Variants in NKAIN3 observed in about 807,000 individuals in gnomAD.
NKAIN3 encodes sodium/potassium transporting ATPase interacting 3, also known as sodium/potassium-transporting ATPase subunit beta-1-interacting protein 3.
In NKAIN3, 25 loss-of-function variants were observed where a neutral mutation model predicts 30.2. The ratio of observed to expected loss-of-function variants is 0.83; its 90% CI spans 0.60 to 1.16. NKAIN3 has a LOEUF of 1.16. Among genes scored for constraint, NKAIN3 ranks in the 50% most tolerant of loss-of-function variants. The probability of loss-of-function intolerance (pLI) is 0.00; values close to 1 mark genes in which losing one functional copy is unlikely to be tolerated. For missense variants in NKAIN3, 225 were observed against 254.1 expected, an observed-to-expected ratio of 0.89 and a Z score of 0.78; for synonymous variants, 91 against 89.6, an observed-to-expected ratio of 1.02 and a Z score of -0.09.
In NKAIN3 at chr8:62,968,274, G is replaced by A. The variant is rs12056842; in HGVS notation, c.*2867G>A. ...GTACAGTAATACTTGGCAATTACCC[G>A]TTAATCTGGGTAATTCCAATGAAGT... On this transcript the variant is annotated 3_prime_UTR_variant, in exon 7 of 7. Coordinates refer to ENST00000623646, the MANE Select transcript of NKAIN3 (RefSeq NM_001304533.3). Among the ~76,000 whole-genome samples, 21,252 of 152,118 alleles carry A rather than the reference G, an allele frequency of 0.14. 1,617 individuals carry two copies. Among genetic ancestry groups the A allele is most frequent in the East Asian group, 0.22 (1,141 of 5,152 alleles).
At chr8:62,649,505 A>G (rs570881689) in intron 3 of NKAIN3, among the ~76,000 whole-genome samples, 1 of 152,274 alleles carries the variant, frequency 6.6e-6, no homozygotes, top group South Asian at 2.1e-4. Context: ...AGCCAAGTAG[A>G]GTTGTTTTTC....
intron 3 of NKAIN3, among the ~76,000 whole-genome samples, chr8:62,729,330 A>G (rs1192721934): frequency 2.0e-5 from 3 of 152,158 alleles, no homozygotes; most frequent in African/African-American, 4.8e-5. Context: ...ATGCCACTAC[A>G]TACCTATTAG....
At chr8:62,899,352 T>C (rs1333599459) in intron 4 of NKAIN3, among the ~76,000 whole-genome samples, 2 of 152,086 alleles carry the variant, frequency 1.3e-5, no homozygotes, top group Non-Finnish European at 2.9e-5. Context: ...AACAAATGAA[T>C]GGATAAAGAA....
chr8:62,316,346 T>C (rs1814626364), intron 1 of NKAIN3, among the ~76,000 whole-genome samples: 1 of 152,082 alleles, frequency 6.6e-6, no homozygotes, highest in Non-Finnish European at 1.5e-5. Flanking sequence ...TAGTTACATA[T>C]ATATACTTGT....
chr8:62,781,229 G>A (rs949920181), intron 4 of NKAIN3, among the ~76,000 whole-genome samples: 4 of 151,820 alleles, frequency 2.6e-5, no homozygotes, highest in Non-Finnish European at 4.4e-5. Context: ...AATCAAGGAT[G>A]TGAAATATAT....
chr8:62,936,740 C>T (rs1171558611), intron 5 of NKAIN3, among the ~76,000 whole-genome samples: 2 of 152,082 alleles, frequency 1.3e-5, no homozygotes, highest in East Asian at 1.9e-4. Flanking sequence ...TTCTACATTC[C>T]ACTTCCCCCA....
intron 3 of NKAIN3, among the ~76,000 whole-genome samples, chr8:62,621,110 A>T (rs1371788677): frequency 6.6e-6 from 1 of 152,190 alleles, no homozygotes; most frequent in Non-Finnish European, 1.5e-5. Context: ...GGTCATTTAC[A>T]TGTCTTCTTT....
chr8:62,500,827 C>T (rs935650738), intron 1 of NKAIN3, among the ~76,000 whole-genome samples: 19 of 152,040 alleles, frequency 1.2e-4, no homozygotes, highest in Admixed American at 7.9e-4. Context: ...TTATTTTGTT[C>T]CTCCTATGGA....
At chr8:62,323,642 G>A (rs1316804388) in intron 1 of NKAIN3, among the ~76,000 whole-genome samples, 1 of 152,038 alleles carries the variant, frequency 6.6e-6, no homozygotes, top group Non-Finnish European at 1.5e-5. Flanking sequence ...CCCTCCCCCA[G>A]TGGCTTTCCC....
At chr8:62,806,290 C>T (rs201566561) in intron 4 of NKAIN3, among the ~76,000 whole-genome samples, 2 of 152,196 alleles carry the variant, frequency 1.3e-5, no homozygotes, top group African/African-American at 4.8e-5. Context: ...TTGACCCAGC[C>T]ATCCCATTAC....
At position 62,496,824 on chromosome 8, in the gene NKAIN3, C is replaced by T. The variant is rs375845524; in HGVS notation, c.55-82715C>T. ...CTTTCTGGTAGCAGAGGTTTCATTT[C>T]TTCTGTATTGTTTGTGTGATTAGTT... is the stretch of plus-strand genomic sequence containing the variant. On this transcript the variant is annotated intron_variant, in intron 1 of 6. Coordinates refer to ENST00000623646, the MANE Select transcript of NKAIN3 (RefSeq NM_001304533.3). Among the ~76,000 whole-genome samples, 5 of 152,152 alleles carry T rather than the reference C, an allele frequency of 3.3e-5. No individual in the cohort carries two copies. In the East Asian group the frequency reaches 7.7e-4, roughly 24 times the overall value.
chr8:62,966,036 G>GAT lies in NKAIN3; in HGVS notation c.*642_*643dup, dbSNP rs149960539. 0.026 allele frequency: 24,387 copies of GAT among 921,580 alleles called. 144 individuals carry two copies. The highest frequency in any genetic ancestry group is 0.038 in the African/African-American group (2,129 of 55,880). 57.1% of individuals were successfully genotyped at this position (921,580 alleles called of 1,614,324 possible). The stretch of plus-strand genomic sequence containing the variant: ...GATTCGTGCATATCTTGTTTTTCCT[G>GAT]ATATATATATATATGTAGGCACATG... On this transcript the variant is annotated 3_prime_UTR_variant, in exon 7 of 7. Coordinates refer to ENST00000623646, the MANE Select transcript of NKAIN3 (RefSeq NM_001304533.3).
chr8:62,344,836 C>T, intron 1 of NKAIN3: 1 of 429,276 alleles, frequency 2.3e-6, no homozygotes, highest in South Asian at 1.7e-5. Flanking sequence ...CTTTCTGTGT[C>T]TGTGAAGAAT....
At chr8:62,899,666 A>C (rs1462525618) in intron 4 of NKAIN3, among the ~76,000 whole-genome samples, 1 of 152,200 alleles carries the variant, frequency 6.6e-6, no homozygotes, top group Non-Finnish European at 1.5e-5. Flanking sequence ...AATAAGACCT[A>C]GTATTTGATA....
chr8:62,360,517 T>A (rs1053050764), intron 1 of NKAIN3, among the ~76,000 whole-genome samples: 2 of 152,186 alleles, frequency 1.3e-5, no homozygotes, highest in African/African-American at 4.8e-5. Context: ...TAGCCTAACA[T>A]GAATTAATGA....
At chr8:62,275,258 T>C (rs199513887) in intron 1 of NKAIN3, among the ~76,000 whole-genome samples, 1 of 152,176 alleles carries the variant, frequency 6.6e-6, no homozygotes, top group Admixed American at 6.6e-5. Context: ...CCAGCACCTG[T>C]TGTTTCCTGA....
chr8:62,645,788 T>C (rs1315865216), intron 3 of NKAIN3, among the ~76,000 whole-genome samples: 1 of 152,124 alleles, frequency 6.6e-6, no homozygotes, highest in African/African-American at 2.4e-5. Flanking sequence ...CAGTCCAATT[T>C]TGTGATGCAG....
chr8:62,627,171 G>A (rs1216164782), intron 3 of NKAIN3, among the ~76,000 whole-genome samples: 4 of 152,108 alleles, frequency 2.6e-5, no homozygotes, highest in Non-Finnish European at 5.9e-5. Context: ...ACTTAATTGT[G>A]CCAGTTACTC....
intron 4 of NKAIN3, among the ~76,000 whole-genome samples, chr8:62,904,750 C>A (rs140127094): frequency 1.4e-3 from 211 of 152,348 alleles, no homozygotes; most frequent in African/African-American, 4.9e-3. Flanking sequence ...ATGAAACATT[C>A]TTCTTAGCAG....
Sources: allele counts gnomAD v4.1 joint callset (sites outside exome capture counted in the v4.1 genomes callset), GRCh38; gene constraint gnomAD v4.1.1; transcripts MANE v1.5; gene names NCBI Gene and HGNC (gene_info 2026-07-23, HGNC 2026-07-21).